Variants in A1CF observed in about 807,000 individuals in gnomAD.
A1CF encodes the protein APOBEC1 complementation factor.
Under a neutral mutation model 68.9 loss-of-function variants are expected in A1CF, and 48 were observed. The observed-to-expected ratio is 0.70, with a 90% confidence interval of 0.55 to 0.89. The LOEUF (loss-of-function observed/expected upper bound fraction) is 0.89, where lower values mean the gene tolerates loss of function less well. Ranked by LOEUF, A1CF falls within the 40% of genes least tolerant of loss-of-function variation. The pLI is 0.00. For missense variants in A1CF, 653 were observed against 718.9 expected (o/e 0.91, Z 1.05); for synonymous variants, 272 against 260.4 (o/e 1.04, Z -0.43).
At chr10:50,880,652 A>T (rs913717946) in intron 1 of A1CF, among the ~76,000 whole-genome samples, 12 of 152,202 alleles carry the variant, frequency 7.9e-5, no homozygotes, top group Admixed American at 3.3e-4. Context: ...GTTTAATTAC[A>T]TCTAATAATT....
At chr10:50,880,114 A>G (rs890207678) in intron 1 of A1CF, among the ~76,000 whole-genome samples, 2 of 152,200 alleles carry the variant, frequency 1.3e-5, no homozygotes, top group Non-Finnish European at 2.9e-5. Context: ...CAAAAACCCA[A>G]GCTGGGGAAC....
At chr10:50,880,116 C>G (rs4935195) in intron 1 of A1CF, among the ~76,000 whole-genome samples, 1 of 152,170 alleles carries the variant, frequency 6.6e-6, no homozygotes, top group African/African-American at 2.4e-5. Flanking sequence ...AAAACCCAAG[C>G]TGGGGAACCC....
At chr10:50,806,936 G>T in intron 12 of A1CF, 56 bp from the exon 13 acceptor site, 1 of 1,539,080 alleles carries the variant, frequency 6.5e-7, no homozygotes. Flanking sequence ...GCTCCCTTTT[G>T]GCTTATTTGT....
intron 9 of A1CF, among the ~76,000 whole-genome samples, 199 bp from the exon 10 acceptor site, chr10:50,814,237 C>T (rs1838262718): frequency 6.6e-6 from 1 of 152,106 alleles, no homozygotes; most frequent in Non-Finnish European, 1.5e-5. Flanking sequence ...ACATAGGTGT[C>T]TCTCTTTTTT....
chr10:50,865,302 C>G (rs558747542), intron 1 of A1CF, among the ~76,000 whole-genome samples: 109 of 151,940 alleles, frequency 7.2e-4, no homozygotes, highest in African/African-American at 2.1e-3. Context: ...GCTATTACTA[C>G]TACTACTACT....
Position 50,868,746 on chromosome 10 carries a change from A to C in A1CF, c.-93-4666T>G, listed in dbSNP as rs549621775. ...AAATTTTCCTCTGTAGTAGGTTTCCACATTTTTAAAGAAGAACAAGCTTAC... is the reference window on the plus strand; with the variant it reads ...AAATTTTCCTCTGTAGTAGGTTTCCCCATTTTTAAAGAAGAACAAGCTTAC... On this transcript the variant is annotated intron_variant, in intron 1 of 12. Coordinates refer to ENST00000373997, the MANE Select transcript of A1CF (RefSeq NM_014576.4). Among the ~76,000 whole-genome samples, 30 of 152,314 alleles carry C rather than the reference A, an allele frequency of 2.0e-4. 1 individual carries two copies. Among genetic ancestry groups the C allele is most frequent in the African/African-American group, 6.7e-4 (28 of 41,572 alleles).
chr10:50,846,209 A>G (rs2132470107), intron 3 of A1CF, among the ~76,000 whole-genome samples: 1 of 152,296 alleles, frequency 6.6e-6, no homozygotes, highest in East Asian at 1.9e-4. Flanking sequence ...CATTGTATAA[A>G]ATTACCTTCA....
At chr10:50,808,184 A>G (rs1837925007) in intron 12 of A1CF, among the ~76,000 whole-genome samples, 1 of 152,198 alleles carries the variant, frequency 6.6e-6, no homozygotes, top group Non-Finnish European at 1.5e-5. Flanking sequence ...CAATTTGTTA[A>G]GTGCCAGGGT....
chr10:50,840,263 G>A (rs1178513866), intron 5 of A1CF, among the ~76,000 whole-genome samples: 2 of 146,960 alleles, frequency 1.4e-5, no homozygotes, highest in African/African-American at 5.0e-5. Context: ...TTGATGAACT[G>A]TGCTAAAATA....
Position 50,841,938 on chromosome 10 carries a change from C to A in A1CF, c.289G>T (p.Gly97Ter). 1 of 1,612,326 alleles carries A rather than the reference C, an allele frequency of 6.2e-7. No individual in the cohort carries two copies. Residue 97 changes from glycine to a stop codon, truncating the protein, a stop_gained, in exon 5 of 13, where the codon GGA becomes TGA. Coordinates refer to ENST00000373997, the MANE Select transcript of A1CF (RefSeq NM_014576.4). LOFTEE classifies it high-confidence loss of function. ...MMMDFNGNNR[G>*]YAFVTFSNKV... ...TTTGAAAATGTTACAAATGCATATCCTCTATTGTTGCCATTAAAATCCATC... is the reference window on the plus strand; with the variant it reads ...TTTGAAAATGTTACAAATGCATATCATCTATTGTTGCCATTAAAATCCATC...
intron 3 of A1CF, among the ~76,000 whole-genome samples, chr10:50,846,331 C>T (rs1039800761): frequency 4.2e-4 from 64 of 152,080 alleles, no homozygotes; most frequent in Admixed American, 3.9e-3. Context: ...AAATTAAAAA[C>T]GTCTGAAATC....
intron 1 of A1CF, among the ~76,000 whole-genome samples, chr10:50,879,002 C>G (rs1254340038): frequency 6.6e-6 from 1 of 152,208 alleles, no homozygotes; most frequent in Non-Finnish European, 1.5e-5. Flanking sequence ...TCTTCTCTTC[C>G]CTATCATCAA....
intron 3 of A1CF, among the ~76,000 whole-genome samples, chr10:50,858,271 G>A (rs959854193): frequency 1.3e-5 from 2 of 151,874 alleles, no homozygotes; most frequent in African/African-American, 4.8e-5. Flanking sequence ...TTACCTGAAC[G>A]TTACCAGAAA....
At chr10:50,874,800 C>T (rs1053567172) in intron 1 of A1CF, among the ~76,000 whole-genome samples, 1 of 152,114 alleles carries the variant, frequency 6.6e-6, no homozygotes, top group Non-Finnish European at 1.5e-5. Flanking sequence ...TAAGAACCGC[C>T]GTAGCAGAGC....
chr10:50,827,861 A>T (rs1564505565), intron 7 of A1CF, among the ~76,000 whole-genome samples: 3 of 152,126 alleles, frequency 2.0e-5, no homozygotes, highest in Admixed American at 6.5e-5. Context: ...TGTTTTTTTT[A>T]AAAGATCAAC....
intron 6 of A1CF, among the ~76,000 whole-genome samples, chr10:50,829,479 T>A (rs918572642): frequency 3.9e-5 from 6 of 152,286 alleles, no homozygotes; most frequent in African/African-American, 1.4e-4. Flanking sequence ...AGCAATTATT[T>A]TCAATAAGAA....
chr10:50,857,682 GA>G, intron 3 of A1CF, among the ~76,000 whole-genome samples: 1 of 152,282 alleles, frequency 6.6e-6, no homozygotes, highest in Non-Finnish European at 1.5e-5. Flanking sequence ...TAAGCTGGTG[GA>G]TCTAACTCAC....
At chr10:50,816,318 A>T in intron 8 of A1CF, 39 bp from the exon 9 acceptor site, 1 of 1,600,668 alleles carries the variant, frequency 6.2e-7, no homozygotes, top group Non-Finnish European at 8.5e-7. Context: ...GCGAGATGAT[A>T]TGAAGATAAC....
intron 1 of A1CF, among the ~76,000 whole-genome samples, chr10:50,881,586 CT>C (rs1345575984): frequency 6.6e-6 from 1 of 152,146 alleles, no homozygotes; most frequent in Non-Finnish European, 1.5e-5. Context: ...AGTTCTACTA[CT>C]TAAACCTAGT....
Sources: gnomAD v4.1 joint callset for allele counts (sites outside exome capture counted in the v4.1 genomes callset) on GRCh38, gnomAD v4.1.1 for gene constraint, MANE v1.5 for transcripts, NCBI Gene and HGNC (gene_info 2026-07-23, HGNC 2026-07-21) for gene names.